LPA: variants seen among roughly 807,000 people sequenced by gnomAD.
LPA encodes apolipoprotein(a).
In LPA, 199 loss-of-function variants were observed where a neutral mutation model predicts 197.9. The ratio of observed to expected loss-of-function variants is 1.01; its 90% CI spans 0.90 to 1.13. The LOEUF (loss-of-function observed/expected upper bound fraction) is 1.13, where lower values mean the gene tolerates loss of function less well. LPA is among the 50% of genes most tolerant of loss of function. The pLI, the probability that LPA is intolerant of heterozygous loss-of-function variation, is 0.00. For missense variants in LPA, 1,853 were observed against 1,785.8 expected, an observed-to-expected ratio of 1.04 and a Z score of -0.68; for synonymous variants, 715 against 639.5, an observed-to-expected ratio of 1.12 and a Z score of -1.78.
At chr6:160,641,016 C>G (rs564008253) in intron 4 of LPA, among the ~76,000 whole-genome samples, 168 bp from the exon 5 acceptor site, 8 of 137,024 alleles carry the variant, frequency 5.8e-5, no homozygotes, top group African/African-American at 1.8e-4. Flanking sequence ...ATCACTAATC[C>G]TCTCTGCACA....
chr6:160,595,818 G>C (rs1779122021), intron 20 of LPA, among the ~76,000 whole-genome samples: 1 of 151,886 alleles, frequency 6.6e-6, no homozygotes, highest in South Asian at 2.1e-4. Flanking sequence ...AGTTGCACTT[G>C]TACTTGTACA....
At chr6:160,570,284 A>G (rs188158503) in intron 28 of LPA, among the ~76,000 whole-genome samples, 142 of 152,324 alleles carry the variant, frequency 9.3e-4, no homozygotes, top group African/African-American at 3.2e-3. Flanking sequence ...GCACATATAC[A>G]CCATGGAATA....
chr6:160,589,891 C>A (rs1375768168), intron 23 of LPA, among the ~76,000 whole-genome samples, 179 bp from the exon 24 acceptor site: 1 of 152,240 alleles, frequency 6.6e-6, no homozygotes, highest in Non-Finnish European at 1.5e-5. Context: ...CATTCTGGAA[C>A]TTCAATGAGT....
intron 16 of LPA, among the ~76,000 whole-genome samples, chr6:160,610,354 C>T (rs1325296727): frequency 1.3e-5 from 2 of 152,086 alleles, no homozygotes; most frequent in African/African-American, 4.8e-5. Context: ...CTGCAGCTGC[C>T]TTTATTCTAG....
intron 38 of LPA, 144 bp from the exon 39 acceptor site, chr6:160,532,034 G>C: frequency 2.1e-6 from 2 of 943,344 alleles, no homozygotes; most frequent in South Asian, 2.8e-5. Flanking sequence ...TCAAGCATCT[G>C]CAGTGCTTAA....
Position 160,650,204 on chromosome 6 carries a change from T to A in LPA, c.209+134A>T, listed in dbSNP as rs1471125088. ...CTATCATACTCTTTGCTCAAAGTAATGTTTCTCAGACATTTTGCCATGCAT... is the reference window on the plus strand; with the variant it reads ...CTATCATACTCTTTGCTCAAAGTAAAGTTTCTCAGACATTTTGCCATGCAT... On this transcript the variant is annotated intron_variant, in intron 2 of 38. Transcript: ENST00000316300. 1.1e-5 allele frequency: 9 copies of A among 827,874 alleles called. No individual in the cohort carries two copies. In the Admixed American group the frequency reaches 1.6e-4, roughly 15 times the overall value. 51.3% of individuals were successfully genotyped at this position (827,874 alleles called of 1,614,324 possible).
chr6:160,609,333 A>G (rs528763058), intron 16 of LPA, among the ~76,000 whole-genome samples: 2 of 151,940 alleles, frequency 1.3e-5, no homozygotes, highest in East Asian at 1.9e-4. Flanking sequence ...CTTGTTCCTC[A>G]TTATCATTTT....
chr6:160,567,819 A>G (rs1277700932), intron 28 of LPA, among the ~76,000 whole-genome samples: 1 of 152,226 alleles, frequency 6.6e-6, no homozygotes, highest in Non-Finnish European at 1.5e-5. Context: ...GGATATCACT[A>G]CCAATCCCAC....
intron 16 of LPA, among the ~76,000 whole-genome samples, chr6:160,609,615 C>G (rs1298165070): frequency 6.6e-6 from 1 of 152,068 alleles, no homozygotes; most frequent in Non-Finnish European, 1.5e-5. Context: ...TATCAGCCAT[C>G]CGTGATTCCG....
chr6:160,641,089 T>G (rs1779845362), intron 4 of LPA, among the ~76,000 whole-genome samples: 2 of 137,866 alleles, frequency 1.5e-5, no homozygotes, highest in Non-Finnish European at 3.1e-5. Flanking sequence ...AGCAAACGCT[T>G]CTTAGAAACA....
intron 1 of LPA, among the ~76,000 whole-genome samples, chr6:160,660,846 C>CTG (rs1289325568): frequency 6.6e-6 from 1 of 152,120 alleles, no homozygotes; most frequent in African/African-American, 2.4e-5. Flanking sequence ...TGACACACCA[C>CTG]TATTAGTTGG....
rs142420103 is a variant in LPA, at chr6:160,652,293, C to A, written c.50-1796G>T. ...TGTTGAAAAACAAAGATGAGAATAT[C>A]TTAAAGGCAGTCAGAGAAAAAGGAA... On this transcript the variant is annotated intron_variant, in intron 1 of 38. Coordinates refer to ENST00000316300, the MANE Select transcript of LPA (RefSeq NM_005577.4). 1.5e-4 allele frequency among the ~76,000 whole-genome samples: 23 copies of A among 152,012 alleles called. No homozygotes were observed. The East Asian group carries it at 4.3e-3, about 28-fold the overall frequency.
intron 28 of LPA, among the ~76,000 whole-genome samples, chr6:160,560,955 G>C (rs1048151774): frequency 6.6e-6 from 1 of 152,028 alleles, no homozygotes; most frequent in South Asian, 2.1e-4. Flanking sequence ...TGTTGCCCAG[G>C]CTGGAGTGCA....
intron 1 of LPA, among the ~76,000 whole-genome samples, chr6:160,651,081 C>T (rs1779997439): frequency 6.6e-6 from 1 of 152,152 alleles, no homozygotes; most frequent in African/African-American, 2.4e-5. Context: ...TCCTGCATTG[C>T]AACATAGCAG....
chr6:160,583,782 T>A (rs1385163984), intron 26 of LPA, among the ~76,000 whole-genome samples: 1 of 152,152 alleles, frequency 6.6e-6, no homozygotes, highest in African/African-American at 2.4e-5. Flanking sequence ...CTCCAGTCTC[T>A]CTCCCCAGTT....
intron 2 of LPA, among the ~76,000 whole-genome samples, chr6:160,649,838 C>G (rs7760585): frequency 0.4 from 60,863 of 151,924 alleles, 12,511 homozygotes; most frequent in African/African-American, 0.49. Context: ...TCCTGGCAAC[C>G]CGTATTCCTT....
intron 28 of LPA, among the ~76,000 whole-genome samples, chr6:160,564,989 T>C (rs1014435782): frequency 6.6e-6 from 1 of 152,090 alleles, no homozygotes; most frequent in African/African-American, 2.4e-5. Context: ...GCGTCTGCCA[T>C]TGCTGAGACT....
At chr6:160,664,118 T>C (rs770254581) in intron 1 of LPA, 48 bp downstream of exon 1, 159 of 1,500,352 alleles carry the variant, frequency 1.1e-4, no homozygotes, top group Non-Finnish European at 1.4e-4. Flanking sequence ...TTTTACTACA[T>C]TGTGGGAGAA....
chr6:160,546,169 C>T (rs139956345), intron 32 of LPA, among the ~76,000 whole-genome samples: 1 of 152,260 alleles, frequency 6.6e-6, no homozygotes, highest in African/African-American at 2.4e-5. Flanking sequence ...AACCATGTGA[C>T]TTGAGGGTTG....
Sources: gnomAD v4.1 joint callset for allele counts (sites outside exome capture counted in the v4.1 genomes callset) on GRCh38, gnomAD v4.1.1 for gene constraint, MANE v1.5 for transcripts, NCBI Gene and HGNC (gene_info 2026-07-23, HGNC 2026-07-21) for gene names.